Variants in CCDC175 observed in about 807,000 individuals in gnomAD.
The protein encoded by CCDC175 is coiled-coil domain-containing protein 175.
A neutral mutation model predicts 114.6 loss-of-function variants in CCDC175; 100 were observed. The ratio of observed to expected loss-of-function variants is 0.87; its 90% CI spans 0.74 to 1.03. The LOEUF is 1.03. CCDC175 is among the 50% of genes least tolerant of loss of function. CCDC175 has a pLI of 0.00. For synonymous variants in CCDC175, 306 were observed against 308.7 expected (o/e 0.99, Z 0.09); for missense variants, 880 against 917.8 (o/e 0.96, Z 0.53).
intron 8 of CCDC175, among the ~76,000 whole-genome samples, chr14:59,549,250 C>T (rs748345769): frequency 3.4e-4 from 52 of 152,266 alleles, no homozygotes; most frequent in Non-Finnish European, 5.6e-4. Context: ...TGGTGGCTCA[C>T]GCCTGTAATC....
chr14:59,542,585 T>C (rs1435101954), intron 10 of CCDC175, among the ~76,000 whole-genome samples: 4 of 152,130 alleles, frequency 2.6e-5, no homozygotes, highest in East Asian at 1.9e-4. Context: ...AAATACAGTA[T>C]AGTATAATGT....
At chr14:59,529,673 A>G (rs772739583) in intron 14 of CCDC175, among the ~76,000 whole-genome samples, 1 of 152,204 alleles carries the variant, frequency 6.6e-6, no homozygotes, top group Non-Finnish European at 1.5e-5. Flanking sequence ...ATCAGCAGAT[A>G]GCAAATGTCT....
chr14:59,516,588 C>G (rs543259380), intron 17 of CCDC175, among the ~76,000 whole-genome samples: 28 of 152,260 alleles, frequency 1.8e-4, no homozygotes, highest in African/African-American at 6.0e-4. Context: ...ATAAATTCCT[C>G]GACACATACA....
chr14:59,572,927 T>A (rs1351494677), intron 2 of CCDC175, 114 bp from the exon 3 acceptor site: 1 of 567,844 alleles, frequency 1.8e-6, no homozygotes, highest in East Asian at 3.1e-5. Context: ...TCACTAAATA[T>A]CTTCTGCCAT....
intron 1 of CCDC175, among the ~76,000 whole-genome samples, chr14:59,575,965 T>C (rs1369759546): frequency 6.6e-6 from 1 of 152,208 alleles, no homozygotes; most frequent in East Asian, 1.9e-4. Context: ...ATGATTCTAG[T>C]GAAGCACTGA....
chr14:59,532,121 G>A (rs1894108473), intron 13 of CCDC175, among the ~76,000 whole-genome samples: 1 of 152,162 alleles, frequency 6.6e-6, no homozygotes, highest in African/African-American at 2.4e-5. Flanking sequence ...AAAGTAAGGA[G>A]ATTAGATTCA....
At chr14:59,515,008 T>A (rs1208520702) in intron 17 of CCDC175, among the ~76,000 whole-genome samples, 1 of 152,166 alleles carries the variant, frequency 6.6e-6, no homozygotes, top group Non-Finnish European at 1.5e-5. Flanking sequence ...TGGGGGCCAA[T>A]ATTCAACATT....
chr14:59,505,169 A>G lies in CCDC175; in HGVS notation c.*70T>C. On this transcript the variant is annotated 3_prime_UTR_variant, in exon 20 of 20. Transcript: ENST00000537690. Reference sequence around the variant, plus strand: ...AGACTTCTATTAACAGCTGCAAAATATGAAAGTAAGTGCACTCACTTTTCC... The same window carrying G: ...AGACTTCTATTAACAGCTGCAAAATGTGAAAGTAAGTGCACTCACTTTTCC... 1.4e-6 allele frequency: 1 copy of G among 718,106 alleles called. No homozygotes were observed. Among genetic ancestry groups the G allele is most frequent in the Non-Finnish European group, 2.2e-6 (1 of 464,378 alleles). The allele number at this position is 718,106 out of a possible 1,614,324, so 44.5% of individuals were successfully genotyped here.
At chr14:59,513,843 G>T (rs1222815825) in intron 17 of CCDC175, among the ~76,000 whole-genome samples, 1 of 152,206 alleles carries the variant, frequency 6.6e-6, no homozygotes, top group Admixed American at 6.5e-5. Flanking sequence ...CGCAGCTGGA[G>T]ATCTGAGAAT....
chr14:59,511,867 G>A (rs1358871037), intron 17 of CCDC175, 64 bp from the exon 18 acceptor site: 40 of 1,201,276 alleles, frequency 3.3e-5, no homozygotes, highest in Middle Eastern at 2.2e-4. Context: ...AATAAAAGTC[G>A]TGTTATTCAT....
intron 17 of CCDC175, among the ~76,000 whole-genome samples, chr14:59,518,065 T>C (rs1307285846): frequency 2.0e-5 from 3 of 152,126 alleles, no homozygotes; most frequent in Non-Finnish European, 4.4e-5. Flanking sequence ...AAACAAGAAA[T>C]GGGGAAACGA....
At chr14:59,519,643 C>T (rs993958927) in intron 17 of CCDC175, among the ~76,000 whole-genome samples, 2 of 152,182 alleles carry the variant, frequency 1.3e-5, no homozygotes, top group Non-Finnish European at 1.5e-5. Flanking sequence ...AGACATGTGA[C>T]AGATTGTATT....
At chr14:59,557,423 A>C (rs1209806427) in intron 7 of CCDC175, among the ~76,000 whole-genome samples, 1 of 142,560 alleles carries the variant, frequency 7.0e-6, no homozygotes, top group African/African-American at 2.6e-5. Flanking sequence ...CAATGAGAAC[A>C]CATGGACACA....
rs150838450 is a variant in CCDC175, at chr14:59,525,380, T to C, written c.1897A>G (p.Lys633Glu). The C allele has an allele frequency of 2.0e-6, 3 of 1,521,918 alleles. No homozygotes were observed. The East Asian group carries it at 7.4e-5, about 37-fold the overall frequency. 94.3% of individuals were successfully genotyped at this position (1,521,918 alleles called of 1,614,324 possible). The change falls in exon 16 of 20, where the codon AAA becomes GAA. Residue 633 changes from lysine (K) to glutamate (E), a missense_variant. Physicochemically the swap from Lys to Glu is moderately conservative, Grantham distance 56 (BLOSUM62 1). Coordinates refer to ENST00000537690, the MANE Select transcript of CCDC175 (RefSeq NM_001164399.2). ...QLRDQESKKN[K>E]DHFETLKNLE... is the part of the protein sequence containing the mutation. ...TTCTTTAGAGTTTCAAAATGATCTT[T>C]GTTTTTTTTGCTTTCTTGATCTCGT...
chr14:59,531,083 T>C (rs1370219311), intron 14 of CCDC175, among the ~76,000 whole-genome samples: 3 of 151,256 alleles, frequency 2.0e-5, no homozygotes, highest in Non-Finnish European at 4.4e-5. Flanking sequence ...GAGATTAGCC[T>C]GGGCAACATA....
intron 7 of CCDC175, among the ~76,000 whole-genome samples, chr14:59,554,091 A>G (rs989985740): frequency 2.0e-5 from 3 of 152,216 alleles, no homozygotes; most frequent in African/African-American, 7.2e-5. Flanking sequence ...CCAGGAATTG[A>G]ACTCAGCTCT....
At chr14:59,553,252 T>C (rs1047172998) in intron 7 of CCDC175, among the ~76,000 whole-genome samples, 1 of 152,188 alleles carries the variant, frequency 6.6e-6, no homozygotes. Context: ...CCCAGCAGAT[T>C]AACAGCTGAT....
intron 17 of CCDC175, among the ~76,000 whole-genome samples, chr14:59,518,711 C>G (rs1409797170): frequency 6.6e-6 from 1 of 152,160 alleles, no homozygotes; most frequent in Non-Finnish European, 1.5e-5. Flanking sequence ...CACTTTTACA[C>G]TGTTGGTGGG....
At chr14:59,557,532 G>A (rs1895981853) in intron 7 of CCDC175, among the ~76,000 whole-genome samples, 1 of 150,978 alleles carries the variant, frequency 6.6e-6, no homozygotes, top group Non-Finnish European at 1.5e-5. Flanking sequence ...GAGTTAATGG[G>A]TGCAGCACAC....
Sources: allele counts gnomAD v4.1 joint callset (sites outside exome capture counted in the v4.1 genomes callset), GRCh38; gene constraint gnomAD v4.1.1; transcripts MANE v1.5; gene names NCBI Gene and HGNC (gene_info 2026-07-23, HGNC 2026-07-21).